The following CC2D2B variants were observed in gnomAD, a reference collection of about 807,000 sequenced individuals.
CC2D2B encodes the protein protein CC2D2B.
CC2D2B carries 128 observed loss-of-function variants against 161.2 expected under a neutral mutation model. The ratio of observed to expected loss-of-function variants is 0.79; its 90% CI spans 0.69 to 0.92. CC2D2B has a LOEUF of 0.92. CC2D2B is among the 40% of genes least tolerant of loss of function. The pLI, the probability that CC2D2B is intolerant of heterozygous loss-of-function variation, is 0.00. For synonymous variants in CC2D2B, 391 were observed against 449.8 expected (o/e 0.87, Z 1.65); for missense variants, 1,173 against 1,375.1 (o/e 0.85, Z 2.32).
intron 11 of CC2D2B, among the ~76,000 whole-genome samples, chr10:95,956,864 T>C (rs529607023): frequency 6.6e-6 from 1 of 152,332 alleles, no homozygotes; most frequent in African/African-American, 2.4e-5. Flanking sequence ...TATTTGTTTA[T>C]TCACATTATT....
chr10:96,000,199 GAGAA>G lies in CC2D2B; in HGVS notation c.2849+3948_2850-3949del, dbSNP rs2078416709. On this transcript the variant is annotated intron_variant, in intron 24 of 34. Coordinates refer to ENST00000646931, the MANE Select transcript of CC2D2B (RefSeq NM_001349008.3). Reference sequence around the variant, plus strand: ...AACTCCATGTTTTCTAAAAGGCCTAGAGAACATACATCAGGTGCCTTTCTTCTTT... The same window carrying G: ...AACTCCATGTTTTCTAAAAGGCCTAGCATACATCAGGTGCCTTTCTTCTTT... The G allele has an allele frequency of 4.3e-6, 6 of 1,387,134 alleles. No homozygotes were observed. In the South Asian group the frequency reaches 1.1e-4, roughly 26 times the overall value. 85.9% of individuals were successfully genotyped at this position (1,387,134 alleles called of 1,614,324 possible).
chr10:96,002,536 ATGT>A (rs1289823549), intron 24 of CC2D2B, among the ~76,000 whole-genome samples: 2 of 152,230 alleles, frequency 1.3e-5, no homozygotes, highest in Non-Finnish European at 2.9e-5. Context: ...AAGCTAAAAA[ATGT>A]TGTAAGGATG....
In CC2D2B at chr10:95,966,282, A is replaced by C; in HGVS notation, c.1446A>C (p.Thr482=). The C allele has an allele frequency of 8.5e-7, 1 of 1,180,430 alleles. No homozygotes were observed. Among genetic ancestry groups the C allele is most frequent in the Non-Finnish European group, 1.1e-6 (1 of 941,250 alleles). The allele number at this position is 1,180,430 out of a possible 1,614,324, so 73.1% of individuals were successfully genotyped here. A position where few individuals can be genotyped will look rare whatever the true frequency, so the allele number is the denominator to read the frequency against. Residue 482 remains threonine (T), a synonymous_variant, in exon 14 of 35, where the codon ACA becomes ACC. Coordinates refer to ENST00000646931, the MANE Select transcript of CC2D2B (RefSeq NM_001349008.3). ...AACTTTCTTTCACTGCAGAATTAAC[A>C]AGCTTATCCAAGTGTTCCTTGTAAG... ...RPQLSFTAEL[T]SLSKCSLHEQ...
At chr10:95,930,023 A>G (rs540464654) in intron 6 of CC2D2B, among the ~76,000 whole-genome samples, 85 of 152,306 alleles carry the variant, frequency 5.6e-4, no homozygotes, top group Non-Finnish European at 2.5e-4. Context: ...CTTCCTATCC[A>G]TGAGCATGGA....
intron 6 of CC2D2B, among the ~76,000 whole-genome samples, chr10:95,930,808 TG>T (rs1173295261): frequency 6.6e-6 from 1 of 152,198 alleles, no homozygotes; most frequent in East Asian, 1.9e-4. Flanking sequence ...TGAGGATTTT[TG>T]CATCGATGTT....
intron 6 of CC2D2B, among the ~76,000 whole-genome samples, chr10:95,930,748 G>A (rs1465521434): frequency 6.6e-6 from 1 of 152,168 alleles, no homozygotes; most frequent in Non-Finnish European, 1.5e-5. Flanking sequence ...ACTGATCGTG[G>A]TGGATAAGCT....
Position 95,972,143 on chromosome 10 carries a change from C to G in CC2D2B, c.1722C>G (p.Gly574=). 1 of 1,231,766 alleles carries G rather than the reference C, an allele frequency of 8.1e-7. No individual in the cohort carries two copies. Among genetic ancestry groups the G allele is most frequent in the Non-Finnish European group, 1.0e-6 (1 of 987,686 alleles). 76.3% of individuals were successfully genotyped at this position (1,231,766 alleles called of 1,614,324 possible). A position where few individuals can be genotyped will look rare whatever the true frequency, so the allele number is the denominator to read the frequency against. ...TACCTAACTACACAGAGCTGAAAGG[C>G]AAAACCGCTTTGCAATATGTAGAGT... The part of the protein sequence containing the change: ...IPLPNYTELK[G]KTALQYVEFS... Residue 574 remains glycine, a synonymous_variant, in exon 16 of 35, where the codon GGC becomes GGG. Coordinates refer to ENST00000646931, the MANE Select transcript of CC2D2B (RefSeq NM_001349008.3).
At chr10:95,991,864 A>G (rs1472743393) in intron 21 of CC2D2B, among the ~76,000 whole-genome samples, 5 of 152,232 alleles carry the variant, frequency 3.3e-5, no homozygotes, top group African/African-American at 7.2e-5. Flanking sequence ...CCTCAGCTGT[A>G]CAAAGGTACT....
chr10:95,942,147 C>T (rs1268809418), intron 9 of CC2D2B, among the ~76,000 whole-genome samples: 4 of 152,016 alleles, frequency 2.6e-5, no homozygotes, highest in African/African-American at 7.2e-5. Context: ...GGTAGAATGG[C>T]GGTTGCCAGG....
At chr10:95,995,182 A>T (rs1199734133) in intron 22 of CC2D2B, 87 bp from the exon 23 acceptor site, 4 of 630,274 alleles carry the variant, frequency 6.3e-6, no homozygotes, top group Non-Finnish European at 1.0e-5. Flanking sequence ...ATATATCTTC[A>T]TAAGCACAGG....
intron 2 of CC2D2B, among the ~76,000 whole-genome samples, chr10:95,912,975 A>G (rs2098509151): frequency 6.6e-6 from 1 of 152,080 alleles, no homozygotes; most frequent in South Asian, 2.1e-4. Flanking sequence ...TAAACATTCC[A>G]ATTGTATTCT....
rs750462656 is a variant in CC2D2B, at chr10:95,922,087, A to C, written c.97+11A>C. 37 of 1,384,968 alleles carry C rather than the reference A, an allele frequency of 2.7e-5. No homozygotes were observed. The South Asian group carries it at 4.2e-4, about 16-fold the overall frequency. 85.8% of individuals were successfully genotyped at this position (1,384,968 alleles called of 1,614,324 possible). A position where few individuals can be genotyped will look rare whatever the true frequency, so the allele number is the denominator to read the frequency against. On this transcript the variant is annotated intron_variant, in intron 3 of 34. Transcript: ENST00000646931. Reference sequence around the variant, plus strand: ...AGCATCTCCAAAAAGGTTCTCAATAAGTATACCATAACTCTGATACTCTTC... The same window carrying C: ...AGCATCTCCAAAAAGGTTCTCAATACGTATACCATAACTCTGATACTCTTC...
At chr10:95,922,456 A>T (rs1237549340) in intron 3 of CC2D2B, among the ~76,000 whole-genome samples, 1 of 152,256 alleles carries the variant, frequency 6.6e-6, no homozygotes, top group African/African-American at 2.4e-5. Context: ...CATGTATTAT[A>T]TGCCATCTGC....
chr10:96,008,168 C>CTTTTTTTTT (rs56354333), intron 25 of CC2D2B, among the ~76,000 whole-genome samples: 1 of 130,392 alleles, frequency 7.7e-6, no homozygotes, highest in Non-Finnish European at 1.6e-5. Context: ...GGTATGTGTT[C>CTTTTTTTTT]TTTTTTTTTT....
intron 33 of CC2D2B, among the ~76,000 whole-genome samples, chr10:96,025,194 T>A (rs1380243188): frequency 0.33 from 8,566 of 25,736 alleles, 804 homozygotes; most frequent in Middle Eastern, 0.5. Flanking sequence ...TAAAAAAAAA[T>A]ATATATATAT....
chr10:95,970,196 G>A (rs535339635), intron 15 of CC2D2B, among the ~76,000 whole-genome samples: 2 of 151,968 alleles, frequency 1.3e-5, no homozygotes, highest in East Asian at 1.9e-4. Context: ...ACCATGCCCC[G>A]CTAATTTTTG....
At chr10:95,946,266 C>A (rs2076196022) in intron 9 of CC2D2B, among the ~76,000 whole-genome samples, 1 of 152,130 alleles carries the variant, frequency 6.6e-6, no homozygotes, top group Non-Finnish European at 1.5e-5. Flanking sequence ...TAAATTGCCT[C>A]CTTTGGTTGT....
At chr10:95,915,757 T>G (rs1387295542) in intron 2 of CC2D2B, among the ~76,000 whole-genome samples, 1 of 152,212 alleles carries the variant, frequency 6.6e-6, no homozygotes. Flanking sequence ...GAATCTCATT[T>G]GGTCACGATG....
intron 32 of CC2D2B, among the ~76,000 whole-genome samples, chr10:96,021,899 C>G (rs368835599): frequency 6.6e-6 from 1 of 152,224 alleles, no homozygotes; most frequent in African/African-American, 2.4e-5. Flanking sequence ...GGTAGGTATG[C>G]TAGGTGGATG....
Sources: gnomAD v4.1 joint callset for allele counts (sites outside exome capture counted in the v4.1 genomes callset) on GRCh38, gnomAD v4.1.1 for gene constraint, MANE v1.5 for transcripts, NCBI Gene and HGNC (gene_info 2026-07-23, HGNC 2026-07-21) for gene names.